The following SHANK2 variants were observed in gnomAD, a reference collection of about 807,000 sequenced individuals.
The protein encoded by SHANK2 is SH3 and multiple ankyrin repeat domains 2, also known as SH3 and multiple ankyrin repeat domains protein 2.
A neutral mutation model predicts 133.7 loss-of-function variants in SHANK2; 43 were observed. The ratio of observed to expected loss-of-function variants is 0.32; its 90% CI spans 0.25 to 0.41. The LOEUF (loss-of-function observed/expected upper bound fraction) is 0.41, where lower values mean the gene tolerates loss of function less well. SHANK2 is among the 10% of genes least tolerant of loss of function. SHANK2 has a pLI of 1.00. For missense variants in SHANK2, 1,994 were observed against 2,235.8 expected (o/e 0.89, Z 2.18); for synonymous variants, 1,017 against 952.8 (o/e 1.07, Z -1.24).
intron 17 of SHANK2, among the ~76,000 whole-genome samples, chr11:70,599,905 G>GAGAAAGAAAGAA (rs201394941): frequency 5.8e-4 from 43 of 73,668 alleles, no homozygotes; most frequent in East Asian, 1.1e-3. Flanking sequence ...AAGAAAGAAA[G>GAGAAAGAAAGAA]AGAAAGAAAG....
At chr11:70,884,469 T>G (rs1949706358) in intron 11 of SHANK2, among the ~76,000 whole-genome samples, 1 of 152,222 alleles carries the variant, frequency 6.6e-6, no homozygotes, top group Non-Finnish European at 1.5e-5. Context: ...TTTGGAACTT[T>G]CCTAAGAGCT....
intron 10 of SHANK2, among the ~76,000 whole-genome samples, chr11:70,922,355 C>T (rs1175128407): frequency 1.3e-5 from 2 of 152,096 alleles, no homozygotes; most frequent in African/African-American, 4.8e-5. Context: ...GTACTACATA[C>T]ATTAAGCCTA....
At chr11:71,154,228 C>T (rs114352643) in intron 2 of SHANK2, among the ~76,000 whole-genome samples, 1,564 of 152,242 alleles carry the variant, frequency 0.01, 26 homozygotes, top group African/African-American at 0.035. Context: ...CATTTAAACT[C>T]GGGGTCAAAC....
intron 17 of SHANK2, among the ~76,000 whole-genome samples, chr11:70,556,003 T>C (rs1319383064): frequency 2.0e-5 from 3 of 152,160 alleles, no homozygotes; most frequent in African/African-American, 7.2e-5. Flanking sequence ...ATCCATAAAA[T>C]AAAAGTGCGA....
chr11:70,624,328 C>A (rs1254951517), intron 17 of SHANK2, among the ~76,000 whole-genome samples: 1 of 152,050 alleles, frequency 6.6e-6, no homozygotes. Context: ...CCCAGCCAAT[C>A]CCCTGGTTCC....
chr11:70,490,674 G>A (rs1322866944), intron 22 of SHANK2, among the ~76,000 whole-genome samples: 1 of 152,354 alleles, frequency 6.6e-6, no homozygotes, highest in African/African-American at 2.4e-5. Context: ...AACACCATTT[G>A]CCAGAGCAGC....
At chr11:70,721,085 G>A (rs1946066324) in intron 14 of SHANK2, among the ~76,000 whole-genome samples, 1 of 152,204 alleles carries the variant, frequency 6.6e-6, no homozygotes, top group Non-Finnish European at 1.5e-5. Context: ...CGGCAGTCCG[G>A]GCACCTTCTC....
intron 17 of SHANK2, chr11:70,631,701 A>G (rs2060993736): frequency 2.0e-5 from 3 of 152,422 alleles, no homozygotes; most frequent in African/African-American, 7.2e-5. Flanking sequence ...CTGGGGTTAT[A>G]AGAACACAAA....
At chr11:70,625,861 A>G (rs1554999782) in intron 17 of SHANK2, among the ~76,000 whole-genome samples, 1 of 150,520 alleles carries the variant, frequency 6.6e-6, no homozygotes, top group Non-Finnish European at 1.5e-5. Flanking sequence ...CATAAAATAC[A>G]CACTGTAGAG....
At chr11:71,084,974 T>C (rs905352209) in intron 8 of SHANK2, among the ~76,000 whole-genome samples, 1 of 152,064 alleles carries the variant, frequency 6.6e-6, no homozygotes, top group South Asian at 2.1e-4. Context: ...ATTTGACCAT[T>C]TTTACAAAGA....
chr11:71,186,016 G>T (rs1555114429), intron 2 of SHANK2, among the ~76,000 whole-genome samples: 1 of 152,236 alleles, frequency 6.6e-6, no homozygotes, highest in Non-Finnish European at 1.5e-5. Flanking sequence ...ACTGGCTGCT[G>T]GGTCTAGCAT....
intron 2 of SHANK2, among the ~76,000 whole-genome samples, chr11:71,151,650 C>T (rs1186705784): frequency 5.9e-5 from 9 of 152,194 alleles, no homozygotes; most frequent in African/African-American, 1.2e-4. Flanking sequence ...AGTGTGGTAG[C>T]GAGGCCAGCC....
rs782280279 is a variant in SHANK2, at chr11:70,804,543, C to T, written c.1663+2459G>A. On this transcript the variant is annotated intron_variant, in intron 13 of 25. Transcript: ENST00000601538. This position sits in a 1 kb window ranked among gnomAD's most constrained non-coding sequence, Gnocchi z 4.1. ...GCTCCCCGCACGCCCCACGCTCCTG[C>T]GAGGGGCGGGTTCCAGTCTGGTCAT... Among the ~76,000 whole-genome samples, 7 of 152,238 alleles carry T rather than the reference C, an allele frequency of 4.6e-5. No homozygotes were observed. Among genetic ancestry groups the T allele is most frequent in the Admixed American group, 1.3e-4 (2 of 15,308 alleles).
At chr11:70,736,296 G>C (rs1210052029) in intron 14 of SHANK2, among the ~76,000 whole-genome samples, 1 of 152,178 alleles carries the variant, frequency 6.6e-6, no homozygotes, top group African/African-American at 2.4e-5. Context: ...TGTGGGCGGG[G>C]TGAGTGCTGG....
At chr11:71,223,724 A>G (rs1039972377) in intron 2 of SHANK2, among the ~76,000 whole-genome samples, 11 of 152,166 alleles carry the variant, frequency 7.2e-5, no homozygotes, top group African/African-American at 2.7e-4. Context: ...TTAGGAAAGT[A>G]TATCTGACGC....
At chr11:71,137,768 C>T (rs1952475205) in intron 3 of SHANK2, among the ~76,000 whole-genome samples, 1 of 152,234 alleles carries the variant, frequency 6.6e-6, no homozygotes, top group South Asian at 2.1e-4. Flanking sequence ...AATTAAGAGG[C>T]TGCCATTCAG....
chr11:70,573,948 T>C (rs942698521), intron 17 of SHANK2, among the ~76,000 whole-genome samples: 4 of 152,188 alleles, frequency 2.6e-5, no homozygotes, highest in Admixed American at 2.6e-4. Context: ...CAGGGGCGGA[T>C]GGCGCTATGC....
chr11:71,106,149 T>C (rs1951799170), intron 6 of SHANK2, among the ~76,000 whole-genome samples: 1 of 152,206 alleles, frequency 6.6e-6, no homozygotes, highest in Non-Finnish European at 1.5e-5. Context: ...CTCTAAAAAA[T>C]CAGCTCTGCT....
chr11:70,699,440 A>T (rs1945474058), intron 14 of SHANK2, among the ~76,000 whole-genome samples: 1 of 152,126 alleles, frequency 6.6e-6, no homozygotes, highest in Non-Finnish European at 1.5e-5. Context: ...AAAACATAGC[A>T]GCTCACGAGT....
Sources: allele counts gnomAD v4.1 joint callset (sites outside exome capture counted in the v4.1 genomes callset), GRCh38; gene constraint gnomAD v4.1.1; non-coding constraint Gnocchi (gnomAD v3.1); transcripts MANE v1.5; gene names NCBI Gene and HGNC (gene_info 2026-07-23, HGNC 2026-07-21).